The following FHIT variants were observed in gnomAD, a reference collection of about 807,000 sequenced individuals.
FHIT encodes fragile histidine triad diadenosine triphosphatase.
Under a neutral mutation model 17.9 loss-of-function variants are expected in FHIT, and 19 were observed. The ratio of observed to expected loss-of-function variants is 1.06; its 90% CI spans 0.74 to 1.56. The LOEUF is 1.56. FHIT is among the 40% of genes most tolerant of loss of function. FHIT has a pLI of 0.00. For synonymous variants in FHIT, 81 were observed against 69.7 expected (o/e 1.16, Z -0.81); for missense variants, 248 against 189.2 (o/e 1.31, Z -1.82).
chr3:60,937,116 A>T (rs1447929), intron 3 of FHIT, among the ~76,000 whole-genome samples: 1 of 152,258 alleles, frequency 6.6e-6, no homozygotes, highest in East Asian at 1.9e-4. Context: ...TCAGCCCCCA[A>T]AGTGACAAAG....
intron 4 of FHIT, among the ~76,000 whole-genome samples, chr3:60,558,390 A>G (rs1044174319): frequency 8.6e-5 from 13 of 151,726 alleles, no homozygotes; most frequent in African/African-American, 3.1e-4. Context: ...CCCAACTTAA[A>G]TATTTCTCTG....
At chr3:60,552,447 T>C (rs1306816428) in intron 4 of FHIT, among the ~76,000 whole-genome samples, 5 of 152,190 alleles carry the variant, frequency 3.3e-5, no homozygotes, top group African/African-American at 1.2e-4. Flanking sequence ...CCACCACCAA[T>C]GAAAGAGGGT....
chr3:60,706,268 T>G (rs543412526), intron 4 of FHIT, among the ~76,000 whole-genome samples: 3 of 151,810 alleles, frequency 2.0e-5, no homozygotes, highest in South Asian at 2.1e-4. Flanking sequence ...AGGGGAGGGA[T>G]AGCATTAGGA....
At chr3:61,020,543 G>A (rs1279489749) in intron 3 of FHIT, among the ~76,000 whole-genome samples, 2 of 151,920 alleles carry the variant, frequency 1.3e-5, no homozygotes, top group Middle Eastern at 3.2e-3. Flanking sequence ...AGGAAAAACT[G>A]GTATACCATC....
intron 5 of FHIT, among the ~76,000 whole-genome samples, chr3:60,349,100 C>T (rs1412368747): frequency 6.6e-5 from 10 of 152,186 alleles, no homozygotes; most frequent in Admixed American, 5.2e-4. Flanking sequence ...CCAAATAGAA[C>T]ATCAGGTTGC....
At chr3:61,006,079 A>T (rs7622334) in intron 3 of FHIT, among the ~76,000 whole-genome samples, 19,212 of 104,872 alleles carry the variant, frequency 0.18, 3,152 homozygotes, top group African/African-American at 0.49. Context: ...CAAGGTTTTT[A>T]AAAAAAAAAA....
At chr3:60,427,667 A>G (rs1702723344) in intron 5 of FHIT, among the ~76,000 whole-genome samples, 1 of 152,076 alleles carries the variant, frequency 6.6e-6, no homozygotes, top group Non-Finnish European at 1.5e-5. Context: ...CACTCTCCAA[A>G]GTGATTATGC....
At chr3:60,114,722 G>C (rs1318716099) in intron 5 of FHIT, among the ~76,000 whole-genome samples, 1 of 151,658 alleles carries the variant, frequency 6.6e-6, no homozygotes, top group Non-Finnish European at 1.5e-5. Flanking sequence ...TCAAATTCTT[G>C]GGCTCAAGCA....
intron 4 of FHIT, among the ~76,000 whole-genome samples, chr3:60,547,385 G>A (rs1405960389): frequency 1.3e-5 from 2 of 151,930 alleles, no homozygotes; most frequent in Non-Finnish European, 2.9e-5. Flanking sequence ...CAAGGAACTT[G>A]GTTTACTCTA....
chr3:60,334,137 T>G (rs1004135743), intron 5 of FHIT, among the ~76,000 whole-genome samples: 2 of 152,234 alleles, frequency 1.3e-5, no homozygotes, highest in African/African-American at 4.8e-5. Context: ...GGACCTAGAC[T>G]GAACCCCTGG....
At chr3:60,494,878 C>G (rs555441795) in intron 5 of FHIT, among the ~76,000 whole-genome samples, 3 of 152,084 alleles carry the variant, frequency 2.0e-5, no homozygotes, top group Non-Finnish European at 4.4e-5. Flanking sequence ...ATTCCTCTGC[C>G]GATGGACACT....
At position 60,945,402 on chromosome 3, in the gene FHIT, TG is replaced by T. The variant is rs564744882; in HGVS notation, c.-111+96644del. ...TGATGGGGAGTTACTACAGGTTTTT[TG>T]TTTTGCTTTGATAGAGTCTCGCTCT... On this transcript the variant is annotated intron_variant, in intron 3 of 9. Coordinates refer to ENST00000492590, the MANE Select transcript of FHIT (RefSeq NM_002012.4). Among the ~76,000 whole-genome samples, 30 of 121,098 alleles carry T rather than the reference TG, an allele frequency of 2.5e-4. 1 individual carries two copies. In the South Asian group the frequency reaches 8.5e-3, roughly 34 times the overall value. The allele number at this position is 121,098 out of a possible 152,430, so 79.4% of individuals were successfully genotyped here.
chr3:60,002,245 T>C (rs969890785), intron 7 of FHIT, among the ~76,000 whole-genome samples: 2 of 152,118 alleles, frequency 1.3e-5, no homozygotes, highest in Non-Finnish European at 2.9e-5. Flanking sequence ...AATATTATCT[T>C]TATGTTGAAT....
intron 3 of FHIT, among the ~76,000 whole-genome samples, chr3:60,901,374 AATAAC>A (rs1216898333): frequency 6.6e-6 from 1 of 152,258 alleles, no homozygotes; most frequent in Non-Finnish European, 1.5e-5. Context: ...ATCTCAGACA[AATAAC>A]ATAACAATGA....
intron 5 of FHIT, among the ~76,000 whole-genome samples, chr3:60,127,881 T>C (rs549562247): frequency 2.0e-5 from 3 of 152,194 alleles, no homozygotes; most frequent in Non-Finnish European, 4.4e-5. Context: ...TCCTCCAGCT[T>C]TGGCCTCTCC....
chr3:59,898,585 T>G (rs764800802), intron 8 of FHIT, among the ~76,000 whole-genome samples: 2 of 152,096 alleles, frequency 1.3e-5, no homozygotes, highest in Non-Finnish European at 2.9e-5. Flanking sequence ...AACAATGAAC[T>G]AGAATGTAAC....
intron 4 of FHIT, among the ~76,000 whole-genome samples, chr3:60,780,947 C>T (rs1700365704): frequency 6.6e-6 from 1 of 152,112 alleles, no homozygotes. Flanking sequence ...CTCCCGGTTC[C>T]CCCTTTGTCT....
At chr3:60,224,727 A>G (rs1418149468) in intron 5 of FHIT, among the ~76,000 whole-genome samples, 1 of 150,502 alleles carries the variant, frequency 6.6e-6, no homozygotes, top group Non-Finnish European at 1.5e-5. Flanking sequence ...ATTTTATTTT[A>G]TTTTATTTTA....
At chr3:60,698,934 A>G (rs560658647) in intron 4 of FHIT, among the ~76,000 whole-genome samples, 3 of 152,336 alleles carry the variant, frequency 2.0e-5, no homozygotes, top group African/African-American at 7.2e-5. Flanking sequence ...TCTGGTGTTT[A>G]TACTCCCATT....
Sources: gnomAD v4.1 joint callset for allele counts (sites outside exome capture counted in the v4.1 genomes callset) on GRCh38, gnomAD v4.1.1 for gene constraint, MANE v1.5 for transcripts, NCBI Gene and HGNC (gene_info 2026-07-23, HGNC 2026-07-21) for gene names.